The following CCNT1 variants were observed in gnomAD, a reference collection of about 807,000 sequenced individuals.
The protein encoded by CCNT1 is cyclin-T1.
Under a neutral mutation model 67.3 loss-of-function variants are expected in CCNT1, and 18 were observed. The observed-to-expected ratio is 0.27, with a 90% CI of 0.18 to 0.40. The LOEUF (loss-of-function observed/expected upper bound fraction) is 0.40, where lower values mean the gene tolerates loss of function less well. Among genes scored for constraint, CCNT1 ranks in the 10% least tolerant of loss-of-function variants. The pLI is 1.00. For synonymous variants in CCNT1, 333 were observed against 310.3 expected (o/e 1.07, Z -0.77); for missense variants, 744 against 884.9 (o/e 0.84, Z 2.02).
At position 48,688,584 on chromosome 12, in the gene CCNT1, A is replaced by AT. The variant is rs1029714287; in HGVS notation, c.*4448dup. ...TATACATCCTTTTTAAATTTTTTGAATTTTTTTACAAAGAGCCCTTACTAT... is the reference window on the plus strand; with the variant it reads ...TATACATCCTTTTTAAATTTTTTGAATTTTTTTTACAAAGAGCCCTTACTAT... On this transcript the variant is annotated 3_prime_UTR_variant, in exon 9 of 9. Transcript: ENST00000261900. 3 of 152,062 alleles carry AT rather than the reference A, an allele frequency of 2.0e-5. No individual in the cohort carries two copies. Among genetic ancestry groups the AT allele is most frequent in the Non-Finnish European group, 4.4e-5 (3 of 68,002 alleles). The allele number at this position is 152,062 out of a possible 1,614,324, so 9.4% of individuals were successfully genotyped here.
chr12:48,702,399 A>C (rs1189528936), intron 3 of CCNT1, among the ~76,000 whole-genome samples: 1 of 152,258 alleles, frequency 6.6e-6, no homozygotes, highest in Non-Finnish European at 1.5e-5. Context: ...AGCTATAGCC[A>C]CTAGCCACAT....
intron 5 of CCNT1, among the ~76,000 whole-genome samples, chr12:48,699,239 A>T (rs914128220): frequency 1.3e-5 from 2 of 152,226 alleles, no homozygotes; most frequent in Non-Finnish European, 2.9e-5. Flanking sequence ...AACACATATT[A>T]GTAAAATGTA....
intron 2 of CCNT1, among the ~76,000 whole-genome samples, chr12:48,709,077 A>G (rs1015484735): frequency 7.2e-5 from 11 of 152,174 alleles, no homozygotes; most frequent in African/African-American, 1.9e-4. Flanking sequence ...GTAAAAACCT[A>G]TCTTGGGGTT....
Position 48,698,020 on chromosome 12 carries a change from C to T in CCNT1, c.542+118G>A, listed in dbSNP as rs144581111. ...AGTACCATGGAAATTTAAAGTACAA[C>T]ATGAAAACTGTGCAGAAAAATCAAC... On this transcript the variant is annotated intron_variant, in intron 6 of 8. Transcript: ENST00000261900. 416 of 576,512 alleles carry T rather than the reference C, an allele frequency of 7.2e-4. 1 individual carries two copies. The African/African-American group carries it at 7.4e-3, about 10-fold the overall frequency. The allele number at this position is 576,512 out of a possible 1,614,324, so 35.7% of individuals were successfully genotyped here. A position where few individuals can be genotyped will look rare whatever the true frequency, so the allele number is the denominator to read the frequency against.
chr12:48,694,470 G>A (rs761942365), intron 8 of CCNT1, 34 bp from the exon 9 acceptor site: 1 of 1,559,562 alleles, frequency 6.4e-7, no homozygotes, highest in Non-Finnish European at 8.7e-7. Flanking sequence ...CTTTACTTAG[G>A]TAATTTACTA....
rs769259126 is a variant in CCNT1, at chr12:48,699,793, T to A, written c.481A>T (p.Thr161Ser). 2 of 1,608,928 alleles carry A rather than the reference T, an allele frequency of 1.2e-6. No homozygotes were observed. Among genetic ancestry groups the A allele is most frequent in the Non-Finnish European group, 1.7e-6 (2 of 1,176,588 alleles). Reference protein sequence around the residue: ...DHPHTHVVKCTQLVRASKDLA... With the variant: ...DHPHTHVVKCSQLVRASKDLA... ...GATTCCTTACCTCGAACAAGTTGAG[T>A]GCACTTTACTACATGAGTATGTGGG... The change falls in exon 5 of 9, where the codon ACT (threonine) becomes TCT (serine). Residue 161 changes from threonine (T) to serine (S), a missense_variant. Thr to Ser is a moderately conservative substitution (Grantham distance 58, BLOSUM62 1). This residue lies in a region of CCNT1 where 142 missense variants were observed against 277.0 expected (regional missense o/e 0.51). Transcript: ENST00000261900.
chr12:48,707,886 C>G (rs898636107), intron 2 of CCNT1, among the ~76,000 whole-genome samples: 1 of 151,654 alleles, frequency 6.6e-6, no homozygotes, highest in Non-Finnish European at 1.5e-5. Flanking sequence ...GGTGAAACCC[C>G]GTCTCTACTA....
chr12:48,716,681 T>C lies in CCNT1; in HGVS notation c.-6A>G, dbSNP rs1158503733. On this transcript the variant is annotated 5_prime_UTR_variant, in exon 1 of 9. Transcript: ENST00000261900. ...TTCTTCCTCTCTCCCTCCATAGTGCTTCAACCAGAAGGCAGCGGCGAAGGC... is the reference window on the plus strand; with the variant it reads ...TTCTTCCTCTCTCCCTCCATAGTGCCTCAACCAGAAGGCAGCGGCGAAGGC... The C allele has an allele frequency of 2.5e-6, 4 of 1,611,840 alleles. No homozygotes were observed. Among genetic ancestry groups the C allele is most frequent in the South Asian group, 1.1e-5 (1 of 90,726 alleles).
chr12:48,699,756 T>A, intron 5 of CCNT1, 22 bp downstream of exon 5: 1 of 1,547,682 alleles, frequency 6.5e-7, no homozygotes, highest in Non-Finnish European at 8.9e-7. Flanking sequence ...TGAGATAGTC[T>A]TCATAAGCTG....
chr12:48,707,112 A>C (rs983058888), intron 2 of CCNT1, among the ~76,000 whole-genome samples: 11 of 152,198 alleles, frequency 7.2e-5, no homozygotes, highest in African/African-American at 2.7e-4. Flanking sequence ...TTTCAGATGA[A>C]TATGAAGCAT....
At chr12:48,699,655 A>C (rs1940232788) in intron 5 of CCNT1, 123 bp downstream of exon 5, 5 of 585,514 alleles carry the variant, frequency 8.5e-6, no homozygotes, top group East Asian at 5.6e-5. Context: ...ACTCATTTTG[A>C]TTTAAGCCAA....
chr12:48,693,755 G>A lies in CCNT1; in HGVS notation c.1459C>T (p.His487Tyr). The A allele has an allele frequency of 6.2e-7, 1 of 1,614,078 alleles. No homozygotes were observed. Among genetic ancestry groups the A allele is most frequent in the Non-Finnish European group, 8.5e-7 (1 of 1,180,030 alleles). The change falls in exon 9 of 9, where the codon CAT becomes TAT. Residue 487 changes from histidine to tyrosine, a missense_variant. By Grantham distance (83) the His-to-Tyr change is moderately conservative (BLOSUM62 2). Transcript: ENST00000261900. ...GAATTGTGCTTATCAGCTGCAGCAT[G>A]GACTTTTATGCGCATTTTTATCTCC... ...PEEIKMRIKV[H>Y]AAADKHNSVE...
chr12:48,695,462 C>G (rs1204227978), intron 8 of CCNT1, among the ~76,000 whole-genome samples: 2 of 152,190 alleles, frequency 1.3e-5, no homozygotes, highest in Non-Finnish European at 2.9e-5. Flanking sequence ...AGCCAATACT[C>G]TAACTCCGAG....
At chr12:48,706,034 C>T in intron 2 of CCNT1, 138 bp from the exon 3 acceptor site, 2 of 694,800 alleles carry the variant, frequency 2.9e-6, no homozygotes, top group Non-Finnish European at 4.5e-6. Flanking sequence ...TTTCCCGCCC[C>T]CCCGCTTCTA....
intron 3 of CCNT1, among the ~76,000 whole-genome samples, chr12:48,703,654 A>G (rs1175098297): frequency 6.6e-6 from 1 of 151,316 alleles, no homozygotes; most frequent in Admixed American, 6.6e-5. Context: ...AATATTTTTC[A>G]GCCAGGTGCA....
At position 48,691,084 on chromosome 12, in the gene CCNT1, A is replaced by G. The variant is rs555264142; in HGVS notation, c.*1949T>C. 6.6e-6 allele frequency: 1 copy of G among 152,366 alleles called. No individual in the cohort carries two copies. Among genetic ancestry groups the G allele is most frequent in the African/African-American group, 2.4e-5 (1 of 41,594 alleles). 9.4% of individuals were successfully genotyped at this position (152,366 alleles called of 1,614,324 possible). ...TAAAGTGAAGTGACACTCTAAGTCA[A>G]GAAGTATTAATGATTTACAGGTCAA... On this transcript the variant is annotated 3_prime_UTR_variant, in exon 9 of 9. Transcript: ENST00000261900.
chr12:48,716,697 C>G lies in CCNT1; in HGVS notation c.-22G>C, dbSNP rs771405056. 3.7e-6 allele frequency: 6 copies of G among 1,606,748 alleles called. No individual in the cohort carries two copies. The highest frequency in any genetic ancestry group is 5.1e-6 in the Non-Finnish European group (6 of 1,175,134). ...CCATAGTGCTTCAACCAGAAGGCAG[C>G]GGCGAAGGCTGCAGGCACTTCCCAG... On this transcript the variant is annotated 5_prime_UTR_variant, in exon 1 of 9. Coordinates refer to ENST00000261900, the MANE Select transcript of CCNT1 (RefSeq NM_001240.4).
chr12:48,706,215 T>C (rs565273292), intron 2 of CCNT1, among the ~76,000 whole-genome samples: 1 of 152,282 alleles, frequency 6.6e-6, no homozygotes, highest in African/African-American at 2.4e-5. Context: ...AATACATTTT[T>C]TAAGGAGTAA....
intron 8 of CCNT1, among the ~76,000 whole-genome samples, chr12:48,695,504 C>A (rs1441197100): frequency 1.3e-5 from 2 of 152,124 alleles, no homozygotes; most frequent in Non-Finnish European, 2.9e-5. Flanking sequence ...AGTTTCCACA[C>A]AGAAAATACT....
Sources: allele counts gnomAD v4.1 joint callset (sites outside exome capture counted in the v4.1 genomes callset), GRCh38; gene constraint gnomAD v4.1.1; regional missense constraint gnomAD v4.1.1; transcripts MANE v1.5; gene names NCBI Gene and HGNC (gene_info 2026-07-23, HGNC 2026-07-21).